Variants in ITGA5 observed in about 807,000 individuals in gnomAD.
The protein encoded by ITGA5 is integrin subunit alpha 5.
ITGA5 carries 55 observed loss-of-function variants against 146.3 expected under a neutral mutation model. That is an observed-to-expected ratio of 0.38 (90% CI 0.30 to 0.47). The LOEUF (loss-of-function observed/expected upper bound fraction) is 0.47, where lower values mean the gene tolerates loss of function less well. Ranked by LOEUF, ITGA5 falls within the 20% of genes least tolerant of loss-of-function variation. The probability of loss-of-function intolerance (pLI) is 0.99; values close to 1 mark genes in which losing one functional copy is unlikely to be tolerated. For missense variants in ITGA5, 1,131 were observed against 1,329.0 expected (o/e 0.85, Z 2.32); for synonymous variants, 500 against 531.8 (o/e 0.94, Z 0.82).
At position 54,398,644 on chromosome 12, in the gene ITGA5, T is replaced by C; in HGVS notation, c.2896A>G (p.Met966Val). ...TGCCGAGGCAGGATTCGGTAGGGCATCTTCAGGGCTTTGTACACAGCCTCA... is the reference window on the plus strand; with the variant it reads ...TGCCGAGGCAGGATTCGGTAGGGCACCTTCAGGGCTTTGTACACAGCCTCA... ...QCEAVYKALKMPYRILPRQLP... is the reference protein window; with the variant it reads ...QCEAVYKALKVPYRILPRQLP... Residue 966 changes from methionine (M) to valine (V), a missense_variant, in exon 28 of 30, where the codon ATG becomes GTG. This residue lies in a region of ITGA5 where 889 missense variants were observed against 1,021.5 expected (regional missense o/e 0.87). Transcript: ENST00000293379. The C allele has an allele frequency of 6.2e-7, 1 of 1,611,132 alleles. No homozygotes were observed. Among genetic ancestry groups the C allele is most frequent in the Non-Finnish European group, 8.5e-7 (1 of 1,178,914 alleles).
rs752277105 is a variant in ITGA5, at chr12:54,403,727, C to T, written c.1674G>A (p.Arg558=). The change falls in exon 17 of 30, where the codon CGG becomes CGA. Residue 558 remains arginine, a synonymous_variant. Coordinates refer to ENST00000293379, the MANE Select transcript of ITGA5 (RefSeq NM_002205.5). This position sits in a 1 kb window ranked among gnomAD's most constrained non-coding sequence, Gnocchi z 4.9. ...GCCTGGAGGCCAGGAACAGTGCCCG[C>T]CGTACCCCTCCCTTCTGCTTCTGCC... ...LDWQKQKGGV[R]RALFLASRQA... 6.2e-7 allele frequency: 1 copy of T among 1,614,238 alleles called. No individual in the cohort carries two copies. The highest frequency in any genetic ancestry group is 8.5e-7 in the Non-Finnish European group (1 of 1,180,046).
At chr12:54,406,725 C>A (rs908091548) in intron 9 of ITGA5, among the ~76,000 whole-genome samples, 1 of 152,196 alleles carries the variant, frequency 6.6e-6, no homozygotes, top group Non-Finnish European at 1.5e-5. Context: ...CATGCTCCTG[C>A]ACAGGATGCC....
At position 54,419,258 on chromosome 12, in the gene ITGA5, G is replaced by C; in HGVS notation, c.-60C>G. ...CCGGAGCCGCTTCCTAAACCTCCCAGAGGCGAATGACTCAACGCGGGGAGG... is the reference window on the plus strand; with the variant it reads ...CCGGAGCCGCTTCCTAAACCTCCCACAGGCGAATGACTCAACGCGGGGAGG... On this transcript the variant is annotated 5_prime_UTR_variant, in exon 1 of 30. Transcript: ENST00000293379. 3 of 1,520,838 alleles carry C rather than the reference G, an allele frequency of 2.0e-6. No homozygotes were observed. The highest frequency in any genetic ancestry group is 2.7e-6 in the Non-Finnish European group (3 of 1,126,122). The allele number at this position is 1,520,838 out of a possible 1,614,324, so 94.2% of individuals were successfully genotyped here.
At chr12:54,406,293 TA>T (rs1037714257) in intron 9 of ITGA5, among the ~76,000 whole-genome samples, 3 of 152,192 alleles carry the variant, frequency 2.0e-5, no homozygotes, top group African/African-American at 7.2e-5. Context: ...CAATAATAAT[TA>T]TGACTGAATG....
chr12:54,418,983 G>C lies in ITGA5; in HGVS notation c.216C>G (p.Asp72Glu), dbSNP rs1199774231. The C allele has an allele frequency of 1.0e-5, 15 of 1,478,228 alleles. No individual in the cohort carries two copies. The highest frequency in any genetic ancestry group is 1.1e-5 in the Non-Finnish European group (12 of 1,097,136). 91.6% of individuals were successfully genotyped at this position (1,478,228 alleles called of 1,614,324 possible). A position where few individuals can be genotyped will look rare whatever the true frequency, so the allele number is the denominator to read the frequency against. ...CGTCTCCAGCCCTCCTCACTCACCCGTCTGTTCCCGGCCGGTAAAACTCCA... is the reference window on the plus strand; with the variant it reads ...CGTCTCCAGCCCTCCTCACTCACCCCTCTGTTCCCGGCCGGTAAAACTCCA... Reference protein sequence around the residue: ...FSVEFYRPGTDGVSVLVGAPK... With the variant: ...FSVEFYRPGTEGVSVLVGAPK... The change falls in exon 1 of 30, where the codon GAC becomes GAG. Residue 72 changes from aspartate (D) to glutamate (E), a missense_variant and splice_region_variant. Coordinates refer to ENST00000293379, the MANE Select transcript of ITGA5 (RefSeq NM_002205.5).
chr12:54,419,154 C>T lies in ITGA5; in HGVS notation c.45G>A (p.Leu15=). 4 of 1,588,584 alleles carry T rather than the reference C, an allele frequency of 2.5e-6. No homozygotes were observed. Among genetic ancestry groups the T allele is most frequent in the Non-Finnish European group, 3.4e-6 (4 of 1,168,884 alleles). ...TPESPLHAVQ[L]RWGPRRRPPL... ...GGGGTCGGCGCCGGGGGCCCCAGCG[C>T]AGCTGCACGGCGTGGAGAGGGGACT... Residue 15 remains leucine (L), a synonymous_variant, in exon 1 of 30, where the codon CTG becomes CTA. Coordinates refer to ENST00000293379, the MANE Select transcript of ITGA5 (RefSeq NM_002205.5).
Position 54,403,320 on chromosome 12 carries a change from T to G in ITGA5, c.1781A>C (p.Glu594Ala). 1 of 1,527,124 alleles carries G rather than the reference T, an allele frequency of 6.5e-7. No individual in the cohort carries two copies. The highest frequency in any genetic ancestry group is 8.8e-7 in the Non-Finnish European group (1 of 1,139,084). 94.6% of individuals were successfully genotyped at this position (1,527,124 alleles called of 1,614,324 possible). The part of the protein sequence containing the change: ...CREMKIYLRN[E>A]SEFRDKLSPI... Reference sequence around the variant, plus strand: ...CGAGAGTTTGTCTCGAAATTCTGACTCGTTCTGGGGCCAGAGGAGAGAGTT... The same window carrying G: ...CGAGAGTTTGTCTCGAAATTCTGACGCGTTCTGGGGCCAGAGGAGAGAGTT... Residue 594 changes from glutamate (E) to alanine (A), a missense_variant, in exon 18 of 30, where the codon GAG becomes GCG. By Grantham distance (107) the Glu-to-Ala change is moderately radical. Coordinates refer to ENST00000293379, the MANE Select transcript of ITGA5 (RefSeq NM_002205.5). The surrounding 1 kb of genome is among the most constrained non-coding windows in gnomAD (Gnocchi z 4.9).
rs139080792 is a variant in ITGA5, at chr12:54,405,432, T to C, written c.1017-58A>G. Reference sequence around the variant, plus strand: ...ACCCTGTCTTGCCACCCCACCCCAATCCTAGTGCTAGAAATCCCGGACACT... The same window carrying C: ...ACCCTGTCTTGCCACCCCACCCCAACCCTAGTGCTAGAAATCCCGGACACT... On this transcript the variant is annotated intron_variant, in intron 11 of 29. Coordinates refer to ENST00000293379, the MANE Select transcript of ITGA5 (RefSeq NM_002205.5). 2,235 of 1,367,868 alleles carry C rather than the reference T, an allele frequency of 1.6e-3. 2 individuals are homozygous for C. The highest frequency in any genetic ancestry group is 2.1e-3 in the Non-Finnish European group (2,115 of 998,052). The allele number at this position is 1,367,868 out of a possible 1,614,324, so 84.7% of individuals were successfully genotyped here.
intron 6 of ITGA5, among the ~76,000 whole-genome samples, chr12:54,408,445 A>G (rs925079208): frequency 6.6e-6 from 1 of 152,062 alleles, no homozygotes; most frequent in Non-Finnish European, 1.5e-5. Flanking sequence ...TGGCAGAAAC[A>G]GGCAGGGCGC....
chr12:54,418,823 G>A (rs1390754323), intron 1 of ITGA5, among the ~76,000 whole-genome samples, 158 bp downstream of exon 1: 1 of 151,610 alleles, frequency 6.6e-6, no homozygotes, highest in Non-Finnish European at 1.5e-5. Context: ...CTACTCCAGC[G>A]CGGGCCCCCA....
intron 28 of ITGA5, 144 bp downstream of exon 28, chr12:54,398,453 T>C (rs1475188258): frequency 3.3e-6 from 2 of 597,758 alleles, no homozygotes; most frequent in South Asian, 2.0e-5. Context: ...CCACTCTGTC[T>C]CTGGCATCTG....
At chr12:54,402,727 G>GT (rs1443927644) in intron 19 of ITGA5, among the ~76,000 whole-genome samples, 1 of 151,770 alleles carries the variant, frequency 6.6e-6, no homozygotes, top group African/African-American at 2.4e-5. Flanking sequence ...TAATAATAAA[G>GT]TAACAATAGA....
rs111249635 is a variant in ITGA5, at chr12:54,416,236, A to T, written c.218+2745T>A. On this transcript the variant is annotated intron_variant, in intron 1 of 29. Coordinates refer to ENST00000293379, the MANE Select transcript of ITGA5 (RefSeq NM_002205.5). This position sits in a 1 kb window ranked among gnomAD's most constrained non-coding sequence, Gnocchi z 4.1. ...AGGTGCGTGCCAGCACGCTCGGCTA[A>T]TTTTTTTATTTTTAGTAGAGATGGG... Among the ~76,000 whole-genome samples, 1 of 151,998 alleles carries T rather than the reference A, an allele frequency of 6.6e-6. No individual in the cohort carries two copies. The highest frequency in any genetic ancestry group is 2.4e-5 in the African/African-American group (1 of 41,376).
intron 1 of ITGA5, among the ~76,000 whole-genome samples, chr12:54,415,636 A>C (rs1472638373): frequency 1.3e-5 from 2 of 152,090 alleles, no homozygotes; most frequent in Non-Finnish European, 2.9e-5. Flanking sequence ...CTATCTCCCC[A>C]GCTTTTGATT....
chr12:54,397,205 G>GT, intron 29 of ITGA5, 160 bp downstream of exon 29: 1 of 642,764 alleles, frequency 1.6e-6, no homozygotes, highest in Non-Finnish European at 2.7e-6. Flanking sequence ...ATGAAGGGGG[G>GT]GATCTTATAG....
At position 54,403,308 on chromosome 12, in the gene ITGA5, C is replaced by A. The variant is rs771498905; in HGVS notation, c.1793G>T (p.Arg598Leu). 6.5e-7 allele frequency: 1 copy of A among 1,531,564 alleles called. No homozygotes were observed. Among genetic ancestry groups the A allele is most frequent in the South Asian group, 1.3e-5 (1 of 76,856 alleles). 94.9% of individuals were successfully genotyped at this position (1,531,564 alleles called of 1,614,324 possible). ...GATGTGAATCGGCGAGAGTTTGTCT[C>A]GAAATTCTGACTCGTTCTGGGGCCA... ...KIYLRNESEF[R>L]DKLSPIHIAL... is the part of the protein sequence containing the mutation. The change falls in exon 18 of 30, where the codon CGA (arginine) becomes CTA (leucine). Residue 598 changes from arginine to leucine, a missense_variant. Physicochemically the swap from Arg to Leu is moderately radical, Grantham distance 102. This residue lies in a region of ITGA5 where 889 missense variants were observed against 1,021.5 expected (regional missense o/e 0.87). Transcript: ENST00000293379. This position sits in a 1 kb window ranked among gnomAD's most constrained non-coding sequence, Gnocchi z 4.9.
Position 54,409,146 on chromosome 12 carries a change from G to A in ITGA5, c.583+86C>T, listed in dbSNP as rs573125774. On this transcript the variant is annotated intron_variant, in intron 4 of 29. Coordinates refer to ENST00000293379, the MANE Select transcript of ITGA5 (RefSeq NM_002205.5). This position sits in a 1 kb window ranked among gnomAD's most constrained non-coding sequence, Gnocchi z 4.7. ...ACCTAGAACCTCATGGGGGCACATG[G>A]TAGGTGCGAGTCAACCCTAAGTATG... is the stretch of plus-strand genomic sequence containing the variant. 6.6e-7 allele frequency: 1 copy of A among 1,525,868 alleles called. No individual in the cohort carries two copies. The highest frequency in any genetic ancestry group is 1.4e-5 in the African/African-American group (1 of 72,506). The allele number at this position is 1,525,868 out of a possible 1,614,324, so 94.5% of individuals were successfully genotyped here. A position where few individuals can be genotyped will look rare whatever the true frequency, so the allele number is the denominator to read the frequency against.
chr12:54,407,054 T>C (rs1164842999), intron 9 of ITGA5, among the ~76,000 whole-genome samples: 2 of 152,244 alleles, frequency 1.3e-5, no homozygotes, highest in African/African-American at 4.8e-5. Flanking sequence ...TGATAATATC[T>C]ACCCCATAGG....
chr12:54,418,246 C>A lies in ITGA5; in HGVS notation c.218+735G>T, dbSNP rs566470663. 8.1e-4 allele frequency among the ~76,000 whole-genome samples: 123 copies of A among 152,046 alleles called. 1 individual carries two copies. The highest frequency in any genetic ancestry group is 2.7e-3 in the African/African-American group (113 of 41,486). On this transcript the variant is annotated intron_variant, in intron 1 of 29. Transcript: ENST00000293379. ...ACACACCCCTCCCGACACATCCCAG[C>A]ACCCGCCCTTGGCTGAGTTCGCCCC...
Sources: gnomAD v4.1 joint callset for allele counts (sites outside exome capture counted in the v4.1 genomes callset) on GRCh38, gnomAD v4.1.1 for gene constraint, gnomAD v4.1.1 regional missense constraint, Gnocchi (gnomAD v3.1) non-coding constraint, MANE v1.5 for transcripts, NCBI Gene and HGNC (gene_info 2026-07-23, HGNC 2026-07-21) for gene names.